Variants in ERGIC1 observed in about 807,000 individuals in gnomAD.
ERGIC1 encodes endoplasmic reticulum-Golgi intermediate compartment protein 1.
ERGIC1 carries 19 observed loss-of-function variants against 38.3 expected under a neutral mutation model. The ratio of observed to expected loss-of-function variants is 0.50; its 90% CI spans 0.35 to 0.73. The LOEUF is 0.73. Among genes scored for constraint, ERGIC1 ranks in the 30% least tolerant of loss-of-function variants. The pLI is 0.01. For missense variants in ERGIC1, 294 were observed against 389.2 expected (o/e 0.76, Z 2.06); for synonymous variants, 124 against 157.6 (o/e 0.79, Z 1.60).
intron 1 of ERGIC1, among the ~76,000 whole-genome samples, chr5:172,879,405 G>A (rs1762227071): frequency 6.6e-6 from 1 of 152,164 alleles, no homozygotes. Flanking sequence ...CGACCTTCCT[G>A]TACATTCTCA....
At chr5:172,950,613 C>T in intron 9 of ERGIC1, 96 bp from the exon 10 acceptor site, 1 of 1,072,054 alleles carries the variant, frequency 9.3e-7, no homozygotes, top group Non-Finnish European at 1.4e-6. Flanking sequence ...GTCTGCCTTG[C>T]AGAGCCCATC....
chr5:172,909,903 G>A (rs573022411), intron 4 of ERGIC1, 142 bp downstream of exon 4: 42 of 738,506 alleles, frequency 5.7e-5, no homozygotes, highest in South Asian at 3.2e-4. Flanking sequence ...ATATAATTGC[G>A]TATGCATGCA....
Position 172,920,759 on chromosome 5 carries a change from C to A in ERGIC1, c.376-3246C>A, listed in dbSNP as rs902352378. On this transcript the variant is annotated intron_variant, in intron 5 of 9. Transcript: ENST00000393784. Reference sequence around the variant, plus strand: ...CGGAGCACGCGGCCCAGGCCCCAATCCCAGTTCTGAACTCTGCCATGGCCC... The same window carrying A: ...CGGAGCACGCGGCCCAGGCCCCAATACCAGTTCTGAACTCTGCCATGGCCC... 3.3e-5 allele frequency among the ~76,000 whole-genome samples: 5 copies of A among 152,196 alleles called. No homozygotes were observed. The East Asian group carries it at 9.6e-4, about 29-fold the overall frequency.
intron 1 of ERGIC1, among the ~76,000 whole-genome samples, chr5:172,867,968 C>T (rs981347372): frequency 1.3e-5 from 2 of 152,168 alleles, no homozygotes; most frequent in Non-Finnish European, 2.9e-5. Context: ...GAGATTCAGC[C>T]AGTTGCTTAG....
intron 9 of ERGIC1, among the ~76,000 whole-genome samples, chr5:172,939,687 A>G (rs1763966368): frequency 6.6e-6 from 1 of 152,310 alleles, no homozygotes; most frequent in African/African-American, 2.4e-5. Flanking sequence ...TCCTGACATC[A>G]TTAGCCTGGT....
chr5:172,915,166 T>A, intron 5 of ERGIC1: 1 of 643,346 alleles, frequency 1.6e-6, no homozygotes, highest in South Asian at 1.8e-5. Flanking sequence ...CCCCTACAAG[T>A]CACTTGACCC....
chr5:172,851,284 G>A (rs1416498873), intron 1 of ERGIC1, among the ~76,000 whole-genome samples: 3 of 151,406 alleles, frequency 2.0e-5, no homozygotes, highest in African/African-American at 2.4e-5. Context: ...CGAGGCAGCC[G>A]GATCACCTGA....
intron 1 of ERGIC1, among the ~76,000 whole-genome samples, chr5:172,864,406 T>C (rs944915021): frequency 1.7e-4 from 26 of 151,472 alleles, no homozygotes; most frequent in Non-Finnish European, 3.5e-4. Context: ...GTAGCTGGGA[T>C]TACAGGCACG....
At position 172,900,697 on chromosome 5, in the gene ERGIC1, G is replaced by A. The variant is rs1190678667; in HGVS notation, c.155+3623G>A. On this transcript the variant is annotated intron_variant, in intron 3 of 9. Coordinates refer to ENST00000393784, the MANE Select transcript of ERGIC1 (RefSeq NM_001031711.3). ...GGCACTCCAGCCTGGGAGACAGAGCGAGACCCTATCTCAAAAAAAAAAAAC... is the reference window on the plus strand; with the variant it reads ...GGCACTCCAGCCTGGGAGACAGAGCAAGACCCTATCTCAAAAAAAAAAAAC... Among the ~76,000 whole-genome samples the A allele has an allele frequency of 5.4e-5, 8 of 148,570 alleles. No individual in the cohort carries two copies. The South Asian group carries it at 6.4e-4, about 12-fold the overall frequency.
intron 1 of ERGIC1, among the ~76,000 whole-genome samples, chr5:172,857,121 A>G (rs1380761054): frequency 1.3e-5 from 2 of 152,230 alleles, no homozygotes; most frequent in Non-Finnish European, 2.9e-5. Flanking sequence ...ATAACACGGT[A>G]AAGAGACTGG....
At chr5:172,925,032 G>GT (rs1763619345) in intron 6 of ERGIC1, among the ~76,000 whole-genome samples, 1 of 152,066 alleles carries the variant, frequency 6.6e-6, no homozygotes. Flanking sequence ...GAGGTCAGAA[G>GT]TTTGAGACCA....
Position 172,951,735 on chromosome 5 carries a change from T to TA in ERGIC1, c.*920dup, listed in dbSNP as rs1764234664. 6.6e-6 allele frequency: 1 copy of TA among 152,308 alleles called. No homozygotes were observed. 9.4% of individuals were successfully genotyped at this position (152,308 alleles called of 1,614,324 possible). Reference sequence around the variant, plus strand: ...TCCAGATAGACATGGTTTGTGCACTTACGTCCAGATGGGAAGCATCCTTCC... The same window carrying TA: ...TCCAGATAGACATGGTTTGTGCACTTAACGTCCAGATGGGAAGCATCCTTCC... On this transcript the variant is annotated 3_prime_UTR_variant, in exon 10 of 10. Transcript: ENST00000393784.
intron 1 of ERGIC1, among the ~76,000 whole-genome samples, chr5:172,888,004 C>G (rs1189488371): frequency 6.6e-6 from 1 of 152,180 alleles, no homozygotes; most frequent in African/African-American, 2.4e-5. Context: ...TCCTTGCTTC[C>G]TCTAGCGTCA....
At chr5:172,887,200 A>G (rs562470784) in intron 1 of ERGIC1, among the ~76,000 whole-genome samples, 2 of 152,260 alleles carry the variant, frequency 1.3e-5, no homozygotes, top group South Asian at 4.2e-4. Flanking sequence ...CCCAATCACC[A>G]AAGAGGAACC....
intron 1 of ERGIC1, among the ~76,000 whole-genome samples, chr5:172,885,274 C>T (rs890267174): frequency 2.0e-5 from 3 of 149,894 alleles, no homozygotes; most frequent in East Asian, 2.0e-4. Flanking sequence ...GGACTACAGG[C>T]GCACACCACC....
Position 172,897,081 on chromosome 5 carries a change from C to T in ERGIC1, c.155+7C>T. 2 of 1,613,360 alleles carry T rather than the reference C, an allele frequency of 1.2e-6. No homozygotes were observed. The highest frequency in any genetic ancestry group is 2.2e-5 in the East Asian group (1 of 44,870). Reference sequence around the variant, plus strand: ...GATTTATAACGACAGAAGTGTAAGTCATACTTTCCCGATGGGGCATTCCAG... The same window carrying T: ...GATTTATAACGACAGAAGTGTAAGTTATACTTTCCCGATGGGGCATTCCAG... On this transcript the variant is annotated splice_region_variant and intron_variant, in intron 3 of 9. Coordinates refer to ENST00000393784, the MANE Select transcript of ERGIC1 (RefSeq NM_001031711.3).
At chr5:172,890,064 C>T (rs2113269910) in intron 2 of ERGIC1, among the ~76,000 whole-genome samples, 1 of 152,240 alleles carries the variant, frequency 6.6e-6, no homozygotes, top group South Asian at 2.1e-4. Flanking sequence ...AAGGCCTTTA[C>T]TGAGGAAATA....
chr5:172,899,311 CTTTTTT>C (rs34478179), intron 3 of ERGIC1, among the ~76,000 whole-genome samples: 4 of 82,852 alleles, frequency 4.8e-5, no homozygotes, highest in Admixed American at 1.4e-4. Flanking sequence ...GGAGTTACTT[CTTTTTT>C]TTTTTTTTTT....
At chr5:172,914,568 T>C (rs956820389) in intron 4 of ERGIC1, 146 bp from the exon 5 acceptor site, 3 of 1,342,574 alleles carry the variant, frequency 2.2e-6, no homozygotes, top group Non-Finnish European at 3.1e-6. Flanking sequence ...CCTGTAGTCT[T>C]TGGACCCCAG....
Sources: gnomAD v4.1 joint callset for allele counts (sites outside exome capture counted in the v4.1 genomes callset) on GRCh38, gnomAD v4.1.1 for gene constraint, MANE v1.5 for transcripts, NCBI Gene and HGNC (gene_info 2026-07-23, HGNC 2026-07-21) for gene names.